The following LY96 variants were observed in gnomAD, a reference collection of about 807,000 sequenced individuals.
LY96 encodes the protein myeloid differentiation protein-2.
A neutral mutation model predicts 18.9 loss-of-function variants in LY96; 18 were observed. The ratio of observed to expected loss-of-function variants is 0.95; its 90% confidence interval spans 0.66 to 1.41. The LOEUF is 1.41. Among genes scored for constraint, LY96 ranks in the 40% most tolerant of loss-of-function variants. The pLI is 0.00. For synonymous variants in LY96, 66 were observed against 62.6 expected (o/e 1.06, Z -0.26); for missense variants, 175 against 182.4 (o/e 0.96, Z 0.23).
At chr8:74,081,048 T>TTCTTTCTTAC in the LY96 span, among the ~76,000 whole-genome samples, 3 of 97,054 alleles carry the variant, frequency 3.1e-5, no homozygotes, top group African/African-American at 1.7e-4. Flanking sequence ...CTTTCTTTCT[T>TTCTTTCTTAC]TTTCTTTCTT....
chr8:74,088,938 T>C, the LY96 span, among the ~76,000 whole-genome samples: 3 of 152,214 alleles, frequency 2.0e-5, no homozygotes, highest in African/African-American at 7.2e-5. Context: ...AACAATTGTA[T>C]CCATGTAAGT....
the LY96 span, among the ~76,000 whole-genome samples, chr8:74,067,517 T>C: frequency 6.6e-6 from 1 of 151,466 alleles, no homozygotes; most frequent in Non-Finnish European, 1.5e-5. Flanking sequence ...CTTCCATGTG[T>C]TTTTTTTGTT....
the LY96 span, chr8:74,048,841 A>G: frequency 6.6e-6 from 1 of 152,104 alleles, no homozygotes; most frequent in Non-Finnish European, 1.5e-5. Flanking sequence ...GAAAGAAAGA[A>G]GAAAAGGAGA....
chr8:74,081,231 T>TCTTTCTTTCCCTCTCTCC, the LY96 span, among the ~76,000 whole-genome samples: 1 of 147,836 alleles, frequency 6.8e-6, no homozygotes, highest in East Asian at 2.0e-4. Context: ...TCTCTTTCTC[T>TCTTTCTTTCCCTCTCTCC]CTTTCTTTCC....
At chr8:74,028,340 A>T (rs574286066) in intron 4 of LY96, among the ~76,000 whole-genome samples, 1 of 152,126 alleles carries the variant, frequency 6.6e-6, no homozygotes, top group African/African-American at 2.4e-5. Context: ...TCTAACATAC[A>T]TGGGCAAAAG....
chr8:74,072,091 C>T, the LY96 span, among the ~76,000 whole-genome samples: 2 of 152,110 alleles, frequency 1.3e-5, no homozygotes, highest in African/African-American at 2.4e-5. Context: ...TGCAAGATAA[C>T]ACTAAATAAT....
At chr8:73,999,729 G>A (rs546188755) in intron 1 of LY96, among the ~76,000 whole-genome samples, 1 of 152,098 alleles carries the variant, frequency 6.6e-6, no homozygotes, top group Admixed American at 6.5e-5. Context: ...ATATTGCCCA[G>A]GCTAGTCTTG....
the LY96 span, among the ~76,000 whole-genome samples, chr8:74,090,512 C>G: frequency 2.0e-5 from 3 of 152,222 alleles, no homozygotes; most frequent in African/African-American, 7.2e-5. Context: ...TCTATTCTCA[C>G]TTTGCTTCTA....
In LY96 at chr8:74,028,966, A is replaced by C; in HGVS notation, c.395A>C (p.Lys132Thr). ...TATACTTCATTTTAGGGAAAATACA[A>C]ATGTGTTGTTGAAGCTATTTCTGGG... ...KGIKFSKGKY[K>T]CVVEAISGSP... is the part of the protein sequence containing the mutation. The change falls in exon 5 of 5, where the codon AAA becomes ACA. Residue 132 changes from lysine to threonine, a missense_variant. Coordinates refer to ENST00000284818, the MANE Select transcript of LY96 (RefSeq NM_015364.5). 6.2e-7 allele frequency: 1 copy of C among 1,604,270 alleles called. No individual in the cohort carries two copies. Among genetic ancestry groups the C allele is most frequent in the Non-Finnish European group, 8.5e-7 (1 of 1,171,912 alleles).
the LY96 span, among the ~76,000 whole-genome samples, chr8:74,050,583 G>C: frequency 6.6e-6 from 1 of 151,994 alleles, no homozygotes; most frequent in African/African-American, 2.4e-5. Context: ...ATGTGAAAGT[G>C]GTGAGCTTTC....
the LY96 span, among the ~76,000 whole-genome samples, chr8:74,077,546 G>C: frequency 6.6e-6 from 1 of 152,144 alleles, no homozygotes; most frequent in African/African-American, 2.4e-5. Context: ...AGGACTGATA[G>C]ATAAAACAAG....
At chr8:74,008,373 T>C (rs1372930628) in intron 2 of LY96, among the ~76,000 whole-genome samples, 1 of 152,160 alleles carries the variant, frequency 6.6e-6, no homozygotes, top group Non-Finnish European at 1.5e-5. Context: ...ATGAAAATGG[T>C]CTTTCAACTT....
At chr8:74,094,628 C>G in the LY96 span, among the ~76,000 whole-genome samples, 1 of 152,106 alleles carries the variant, frequency 6.6e-6, no homozygotes, top group South Asian at 2.1e-4. Flanking sequence ...TTTTCCTAGC[C>G]ATAGGAGTAA....
At chr8:73,992,949 A>C (rs1816039400) in intron 1 of LY96, among the ~76,000 whole-genome samples, 1 of 150,416 alleles carries the variant, frequency 6.6e-6, no homozygotes, top group Non-Finnish European at 1.5e-5. Context: ...CTGCCTCCCA[A>C]GTTCAAACGA....
chr8:74,091,207 G>C, the LY96 span, among the ~76,000 whole-genome samples: 2 of 152,250 alleles, frequency 1.3e-5, no homozygotes, highest in Admixed American at 1.3e-4. Context: ...TTTTTGGATA[G>C]CATATTTCCT....
the LY96 span, among the ~76,000 whole-genome samples, chr8:74,086,692 A>G: frequency 1.1e-4 from 16 of 152,176 alleles, no homozygotes; most frequent in African/African-American, 3.4e-4. Flanking sequence ...TCCCAAATTT[A>G]TGTTGAAACC....
In LY96 at chr8:74,002,089, T is replaced by TCTCTC. The variant is rs1816304783; in HGVS notation, c.113-2707_113-2706insCTCTC. On this transcript the variant is annotated intron_variant, in intron 1 of 4. Transcript: ENST00000284818. ...TTCCTTCCTTCCTTTCTTTCTTTCT[T>TCTCTC]TCTTTCTCTCTCTCTCTCTCTCTCT... Among the ~76,000 whole-genome samples the TCTCTC allele has an allele frequency of 1.6e-4, 4 of 25,040 alleles. 1 individual carries two copies. Among genetic ancestry groups the TCTCTC allele is most frequent in the African/African-American group, 6.3e-4 (3 of 4,782 alleles). The allele number at this position is 25,040 out of a possible 152,430, so 16.4% of individuals were successfully genotyped here. A position where few individuals can be genotyped will look rare whatever the true frequency, so the allele number is the denominator to read the frequency against.
At chr8:74,037,668 A>C in the LY96 span, among the ~76,000 whole-genome samples, 2,104 of 152,260 alleles carry the variant, frequency 0.014, 29 homozygotes, top group East Asian at 0.039. Flanking sequence ...AAAAATTAAA[A>C]AAATAATAAC....
intron 1 of LY96, among the ~76,000 whole-genome samples, chr8:73,993,363 C>T (rs1288844177): frequency 6.6e-6 from 1 of 152,038 alleles, no homozygotes; most frequent in East Asian, 1.9e-4. Context: ...GCAACCTCCA[C>T]CTCCCTGGCT....
Sources: gnomAD v4.1 joint callset for allele counts (sites outside exome capture counted in the v4.1 genomes callset) on GRCh38, gnomAD v4.1.1 for gene constraint, MANE v1.5 for transcripts, NCBI Gene and HGNC (gene_info 2026-07-23, HGNC 2026-07-21) for gene names.